IQCH: variants seen among roughly 807,000 people sequenced by gnomAD.
IQCH encodes IQ motif containing H.
Under a neutral mutation model 117.0 loss-of-function variants are expected in IQCH, and 98 were observed. The observed-to-expected ratio is 0.84, with a 90% confidence interval of 0.71 to 0.99. The LOEUF (loss-of-function observed/expected upper bound fraction) is 0.99, where lower values mean the gene tolerates loss of function less well. Ranked by LOEUF, IQCH falls within the 50% of genes least tolerant of loss-of-function variation. IQCH has a pLI of 0.00. For missense variants in IQCH, 1,102 were observed against 1,243.8 expected, an observed-to-expected ratio of 0.89 and a Z score of 1.72; for synonymous variants, 412 against 448.2, an observed-to-expected ratio of 0.92 and a Z score of 1.02.
rs1004977791 is a variant in IQCH, at chr15:67,388,040, T to C, written c.1457-791T>C. Among the ~76,000 whole-genome samples the C allele has an allele frequency of 1.3e-5, 2 of 152,214 alleles. No individual in the cohort carries two copies. The highest frequency in any genetic ancestry group is 2.4e-5 in the African/African-American group (1 of 41,458). ...GCCCCTACAGATCAGTCAGCTATTT[T>C]GTGAATGAATGGATGAACAAATGAA... On this transcript the variant is annotated intron_variant, in intron 11 of 20. Coordinates refer to ENST00000335894, the MANE Select transcript of IQCH (RefSeq NM_001031715.3). The surrounding 1 kb of genome is among the most constrained non-coding windows in gnomAD (Gnocchi z 5.5).
At position 67,500,734 on chromosome 15, in the gene IQCH, A is replaced by G; in HGVS notation, c.3072A>G (p.Lys1024=). 1 of 1,566,796 alleles carries G rather than the reference A, an allele frequency of 6.4e-7. No homozygotes were observed. The highest frequency in any genetic ancestry group is 1.8e-5 in the Admixed American group (1 of 56,594). ...QQSKDDKNLS[K]PKK is the part of the protein sequence containing the mutation. ...CCAAAGATGATAAAAACCTCTCTAA[A>G]CCCAAGAAATGATCCTGGAATACAG... Residue 1024 remains lysine, a synonymous_variant, in exon 21 of 21, where the codon AAA becomes AAG. Transcript: ENST00000335894. The surrounding 1 kb of genome is among the most constrained non-coding windows in gnomAD (Gnocchi z 4.4).
intron 17 of IQCH, among the ~76,000 whole-genome samples, chr15:67,471,412 A>ATACTT (rs1177603711): frequency 8.5e-5 from 13 of 152,196 alleles, no homozygotes; most frequent in African/African-American, 3.1e-4. Flanking sequence ...ATAATGCTTT[A>ATACTT]TACTTTAACT....
intron 4 of IQCH, among the ~76,000 whole-genome samples, chr15:67,289,498 G>C (rs1446348268): frequency 1.3e-5 from 2 of 152,104 alleles, no homozygotes; most frequent in Non-Finnish European, 2.9e-5. Context: ...ATCCAGCTTG[G>C]AGACTGGGTG....
chr15:67,258,531 CA>C (rs63140861), intron 1 of IQCH, among the ~76,000 whole-genome samples: 29 of 137,370 alleles, frequency 2.1e-4, no homozygotes, highest in African/African-American at 2.2e-4. Flanking sequence ...GACTTCATCT[CA>C]AAAAAAAAAA....
At chr15:67,379,923 G>A (rs1385733912) in intron 10 of IQCH, among the ~76,000 whole-genome samples, 5 of 152,088 alleles carry the variant, frequency 3.3e-5, no homozygotes, top group African/African-American at 1.2e-4. Flanking sequence ...TGCAATCTCA[G>A]CTCACCGCAA....
intron 8 of IQCH, among the ~76,000 whole-genome samples, chr15:67,363,710 TA>T (rs1970232192): frequency 6.6e-6 from 1 of 152,182 alleles, no homozygotes; most frequent in Admixed American, 6.5e-5. Context: ...ACCCTCTTCC[TA>T]CCCTCCACCC....
chr15:67,371,578 A>G, intron 8 of IQCH: 1 of 1,153,446 alleles, frequency 8.7e-7, no homozygotes, highest in East Asian at 2.4e-5. Flanking sequence ...TGACCTCTGG[A>G]TATTAAGAGA....
intron 10 of IQCH, among the ~76,000 whole-genome samples, chr15:67,383,774 C>T (rs993928926): frequency 2.0e-5 from 3 of 152,070 alleles, no homozygotes; most frequent in African/African-American, 7.2e-5. Context: ...AAAAATGATT[C>T]GAACAGCTCA....
At position 67,395,163 on chromosome 15, in the gene IQCH, A is replaced by G. The variant is rs566184676; in HGVS notation, c.1633-128A>G. The stretch of plus-strand genomic sequence containing the variant: ...ACAGCTTTTATCAATTTAAACTGCT[A>G]AACAACAGGATAGGTCATAACCCAG... On this transcript the variant is annotated intron_variant, in intron 12 of 20. Coordinates refer to ENST00000335894, the MANE Select transcript of IQCH (RefSeq NM_001031715.3). The surrounding 1 kb of genome is among the most constrained non-coding windows in gnomAD (Gnocchi z 4.0). The G allele has an allele frequency of 1.9e-6, 2 of 1,034,132 alleles. No homozygotes were observed. Among genetic ancestry groups the G allele is most frequent in the East Asian group, 2.4e-5 (1 of 41,708 alleles). The allele number at this position is 1,034,132 out of a possible 1,614,324, so 64.1% of individuals were successfully genotyped here.
chr15:67,415,529 A>G (rs937046995), intron 14 of IQCH, among the ~76,000 whole-genome samples: 10 of 152,144 alleles, frequency 6.6e-5, no homozygotes, highest in Admixed American at 2.0e-4. Context: ...CGCTGAGGGC[A>G]TAGTGTCAGA....
intron 4 of IQCH, among the ~76,000 whole-genome samples, chr15:67,329,089 A>G (rs1968541713): frequency 6.6e-6 from 1 of 152,162 alleles, no homozygotes. Flanking sequence ...ACTTGAGCCT[A>G]GGAGTTTAAG....
chr15:67,402,442 A>G (rs11071952), intron 14 of IQCH, among the ~76,000 whole-genome samples: 1 of 152,042 alleles, frequency 6.6e-6, no homozygotes, highest in African/African-American at 2.4e-5. Flanking sequence ...GAGTGTAGCT[A>G]TTGAGAATTT....
rs1971148445 is a variant in IQCH, at chr15:67,387,594, G to T, written c.1457-1237G>T. Among the ~76,000 whole-genome samples, 1 of 152,036 alleles carries T rather than the reference G, an allele frequency of 6.6e-6. No individual in the cohort carries two copies. The highest frequency in any genetic ancestry group is 2.1e-4 in the South Asian group (1 of 4,812). ...ACTGATCAAAAGGAATGTAGGTGTGGGGGCAGCTGGGGAATCACTGTTGGC... is the reference window on the plus strand; with the variant it reads ...ACTGATCAAAAGGAATGTAGGTGTGTGGGCAGCTGGGGAATCACTGTTGGC... On this transcript the variant is annotated intron_variant, in intron 11 of 20. Coordinates refer to ENST00000335894, the MANE Select transcript of IQCH (RefSeq NM_001031715.3). This position sits in a 1 kb window ranked among gnomAD's most constrained non-coding sequence, Gnocchi z 4.8.
Position 67,458,993 on chromosome 15 carries a change from CT to C in IQCH, c.2506-6133del, listed in dbSNP as rs1443244892. Among the ~76,000 whole-genome samples the C allele has an allele frequency of 1.3e-5, 2 of 152,296 alleles. No individual in the cohort carries two copies. Among genetic ancestry groups the C allele is most frequent in the South Asian group, 2.1e-4 (1 of 4,830 alleles). ...CAATATGATAAATATACACAATTCC[CT>C]GTTAGCCTCATAGATACATCTGGAG... On this transcript the variant is annotated intron_variant, in intron 16 of 20. Coordinates refer to ENST00000335894, the MANE Select transcript of IQCH (RefSeq NM_001031715.3). This position sits in a 1 kb window ranked among gnomAD's most constrained non-coding sequence, Gnocchi z 4.1.
rs1276105282 is a variant in IQCH at position 67,430,800 on chromosome 15, G to C, written c.2505+9223G>C. The stretch of plus-strand genomic sequence containing the variant: ...CTAGAGAAGCTACAAAGATGCAAAA[G>C]ACATGGAAGTGCCTGCCCTTAGGGA... On this transcript the variant is annotated intron_variant, in intron 16 of 20. Transcript: ENST00000335894. This position sits in a 1 kb window ranked among gnomAD's most constrained non-coding sequence, Gnocchi z 5.1. 6.6e-6 allele frequency among the ~76,000 whole-genome samples: 1 copy of C among 152,314 alleles called. No homozygotes were observed. The highest frequency in any genetic ancestry group is 2.1e-4 in the South Asian group (1 of 4,832).
chr15:67,322,696 A>G (rs900010058), intron 4 of IQCH, among the ~76,000 whole-genome samples: 21 of 152,148 alleles, frequency 1.4e-4, no homozygotes, highest in African/African-American at 5.1e-4. Context: ...GTCCAAGAAG[A>G]ATGAGATCAT....
At position 67,441,122 on chromosome 15, in the gene IQCH, C is replaced by CAAAA. The variant is rs200254535; in HGVS notation, c.2505+19573_2505+19576dup. Reference sequence around the variant, plus strand: ...AACTCAACTCCTTTTGCAATAGCTGCAAAAAAAAAAAAAAAAAAAAAAAAA... The same window carrying CAAAA: ...AACTCAACTCCTTTTGCAATAGCTGCAAAAAAAAAAAAAAAAAAAAAAAAAAAAA... On this transcript the variant is annotated intron_variant, in intron 16 of 20. Transcript: ENST00000335894. 8.4e-3 allele frequency among the ~76,000 whole-genome samples: 454 copies of CAAAA among 53,928 alleles called. 24 individuals carry two copies. The highest frequency in any genetic ancestry group is 9.5e-3 in the Non-Finnish European group (257 of 27,180). 35.4% of individuals were successfully genotyped at this position (53,928 alleles called of 152,430 possible).
intron 8 of IQCH, among the ~76,000 whole-genome samples, chr15:67,360,957 G>C (rs568572324): frequency 6.6e-6 from 1 of 152,220 alleles, no homozygotes; most frequent in Non-Finnish European, 1.5e-5. Context: ...AATAGGATGT[G>C]TTTACGAACA....
chr15:67,439,548 G>A (rs2082214068), intron 16 of IQCH, among the ~76,000 whole-genome samples: 1 of 152,046 alleles, frequency 6.6e-6, no homozygotes, highest in South Asian at 2.1e-4. Flanking sequence ...AAATTACCAA[G>A]ATCAGAGCAG....
Sources: gnomAD v4.1 joint callset for allele counts (sites outside exome capture counted in the v4.1 genomes callset) on GRCh38, gnomAD v4.1.1 for gene constraint, Gnocchi (gnomAD v3.1) non-coding constraint, MANE v1.5 for transcripts, NCBI Gene and HGNC (gene_info 2026-07-23, HGNC 2026-07-21) for gene names.